Variants in KCNH8 observed in about 807,000 individuals in gnomAD.
KCNH8 encodes the protein potassium voltage-gated channel subfamily H member 8.
KCNH8 carries 70 observed loss-of-function variants against 103.6 expected under a neutral mutation model. The observed-to-expected ratio is 0.68, with a 90% CI of 0.56 to 0.82. The LOEUF is 0.82. KCNH8 is among the 40% of genes least tolerant of loss of function. The pLI, the probability that KCNH8 is intolerant of heterozygous loss-of-function variation, is 0.00. For missense variants in KCNH8, 1,217 were observed against 1,329.9 expected, an observed-to-expected ratio of 0.92 and a Z score of 1.32; for synonymous variants, 498 against 489.4, an observed-to-expected ratio of 1.02 and a Z score of -0.23.
At chr3:19,479,094 C>T (rs549004347) in intron 11 of KCNH8, among the ~76,000 whole-genome samples, 4 of 152,202 alleles carry the variant, frequency 2.6e-5, no homozygotes, top group African/African-American at 7.2e-5. Flanking sequence ...AAATATTAAT[C>T]ACTATGCTAC....
chr3:19,498,204 G>A (rs1225774369), intron 11 of KCNH8, among the ~76,000 whole-genome samples: 1 of 152,140 alleles, frequency 6.6e-6, no homozygotes, highest in African/African-American at 2.4e-5. Context: ...TTGCCACTCT[G>A]TTACTTTTAA....
At chr3:19,445,460 A>T (rs1177441417) in intron 8 of KCNH8, among the ~76,000 whole-genome samples, 1 of 151,892 alleles carries the variant, frequency 6.6e-6, no homozygotes, top group Non-Finnish European at 1.5e-5. Flanking sequence ...ACATTTAGCA[A>T]ATGTGTAACT....
intron 10 of KCNH8, among the ~76,000 whole-genome samples, chr3:19,454,033 A>C (rs1253673278): frequency 6.6e-6 from 1 of 152,004 alleles, no homozygotes; most frequent in African/African-American, 2.4e-5. Context: ...TTTTCTCCTC[A>C]ATAGAAAGGC....
At chr3:19,469,751 T>TA (rs1214601235) in intron 11 of KCNH8, among the ~76,000 whole-genome samples, 1 of 152,170 alleles carries the variant, frequency 6.6e-6, no homozygotes, top group African/African-American at 2.4e-5. Context: ...ATTGAGGAAA[T>TA]AAAGATCAAT....
At chr3:19,424,066 C>T (rs969926421) in intron 7 of KCNH8, among the ~76,000 whole-genome samples, 1 of 151,980 alleles carries the variant, frequency 6.6e-6, no homozygotes, top group African/African-American at 2.4e-5. Flanking sequence ...GTGCAGTTCC[C>T]ATCAACATAC....
chr3:19,419,194 G>GTTTTTTTTTTTTTTTTTTTTTTTTT lies in KCNH8; in HGVS notation c.1178-18970_1178-18969insTTTTTTTTTTTTTTTTTTTTTTTTT, dbSNP rs1491504046. On this transcript the variant is annotated intron_variant, in intron 7 of 15. Coordinates refer to ENST00000328405, the MANE Select transcript of KCNH8 (RefSeq NM_144633.3). ...AAAAAGAAGTAATTAAAATGGTTTT[G>GTTTTTTTTTTTTTTTTTTTTTTTTT]GTTTTTTTTTTTTTTTTTTTTTTGA... 3.1e-5 allele frequency among the ~76,000 whole-genome samples: 2 copies of GTTTTTTTTTTTTTTTTTTTTTTTTT among 64,118 alleles called. 1 individual carries two copies. Among genetic ancestry groups the GTTTTTTTTTTTTTTTTTTTTTTTTT allele is most frequent in the Non-Finnish European group, 5.6e-5 (2 of 35,944 alleles). 42.1% of individuals were successfully genotyped at this position (64,118 alleles called of 152,430 possible). A position where few individuals can be genotyped will look rare whatever the true frequency, so the allele number is the denominator to read the frequency against.
At chr3:19,435,704 T>G (rs1438069802) in intron 7 of KCNH8, among the ~76,000 whole-genome samples, 1 of 152,226 alleles carries the variant, frequency 6.6e-6, no homozygotes, top group Non-Finnish European at 1.5e-5. Context: ...CTAAATCTGA[T>G]TTAACAAGCT....
intron 7 of KCNH8, among the ~76,000 whole-genome samples, chr3:19,418,093 G>A (rs1231478570): frequency 6.6e-6 from 1 of 152,174 alleles, no homozygotes; most frequent in Non-Finnish European, 1.5e-5. Context: ...TCTGAAGGTG[G>A]CATTTGAACT....
At chr3:19,190,735 CT>C (rs1380228701) in intron 1 of KCNH8, among the ~76,000 whole-genome samples, 20 of 151,998 alleles carry the variant, frequency 1.3e-4, no homozygotes, top group African/African-American at 7.2e-5. Flanking sequence ...AATAAGTTTG[CT>C]TTCACAATGT....
intron 3 of KCNH8, among the ~76,000 whole-genome samples, chr3:19,341,279 A>G (rs577026949): frequency 2.6e-5 from 4 of 151,990 alleles, no homozygotes; most frequent in Non-Finnish European, 5.9e-5. Context: ...GCTTGAGCCC[A>G]CTCCTTCAAC....
At chr3:19,342,737 A>G in intron 4 of KCNH8, 23 bp downstream of exon 4, 5 of 1,587,530 alleles carry the variant, frequency 3.1e-6, no homozygotes, top group Non-Finnish European at 4.3e-6. Flanking sequence ...TGTGTACAGG[A>G]TGAATGCTAG....
intron 2 of KCNH8, among the ~76,000 whole-genome samples, chr3:19,263,575 C>T (rs1168025308): frequency 2.0e-5 from 3 of 152,030 alleles, no homozygotes; most frequent in Admixed American, 6.6e-5. Flanking sequence ...CGCAAGGCCT[C>T]GTCAGCATGG....
chr3:19,428,997 A>G (rs1300384190), intron 7 of KCNH8, among the ~76,000 whole-genome samples: 8 of 152,076 alleles, frequency 5.3e-5, no homozygotes, highest in Admixed American at 5.2e-4. Flanking sequence ...AGACAACGTC[A>G]TTGCCCTGTG....
intron 8 of KCNH8, among the ~76,000 whole-genome samples, chr3:19,449,216 C>T (rs2067406713): frequency 6.6e-6 from 1 of 151,452 alleles, no homozygotes; most frequent in African/African-American, 2.4e-5. Context: ...TTGGGACAGG[C>T]TCAAAGGGCA....
At chr3:19,246,283 T>G (rs1182896841) in intron 1 of KCNH8, among the ~76,000 whole-genome samples, 2 of 143,072 alleles carry the variant, frequency 1.4e-5, no homozygotes, top group African/African-American at 2.6e-5. Context: ...TGTTTTTTTT[T>G]TTTTTTTTTT....
intron 7 of KCNH8, among the ~76,000 whole-genome samples, chr3:19,404,190 T>C (rs574634027): frequency 2.0e-5 from 3 of 151,912 alleles, no homozygotes; most frequent in African/African-American, 7.2e-5. Flanking sequence ...TCTCAGTAAA[T>C]GGCTCAAGCA....
At chr3:19,480,498 AC>A (rs985064644) in intron 11 of KCNH8, among the ~76,000 whole-genome samples, 6 of 152,234 alleles carry the variant, frequency 3.9e-5, no homozygotes, top group Admixed American at 3.9e-4. Context: ...AATATTAGGA[AC>A]TTTTACCATT....
intron 3 of KCNH8, among the ~76,000 whole-genome samples, chr3:19,335,419 A>G (rs796425232): frequency 1.1e-5 from 1 of 91,090 alleles, no homozygotes; most frequent in Non-Finnish European, 2.1e-5. Context: ...AAAGTAGTAT[A>G]TGTGTGTGTA....
intron 1 of KCNH8, among the ~76,000 whole-genome samples, chr3:19,176,325 G>T (rs760627668): frequency 2.5e-4 from 38 of 152,104 alleles, no homozygotes; most frequent in Non-Finnish European, 5.0e-4. Flanking sequence ...CCCTTACTCT[G>T]CTGAAAATAT....
Sources: gnomAD v4.1 joint callset for allele counts (sites outside exome capture counted in the v4.1 genomes callset) on GRCh38, gnomAD v4.1.1 for gene constraint, MANE v1.5 for transcripts, NCBI Gene and HGNC (gene_info 2026-07-23, HGNC 2026-07-21) for gene names.